PDE3A: variants seen among roughly 807,000 people sequenced by gnomAD.
The protein encoded by PDE3A is phosphodiesterase 3A.
In PDE3A, 43 loss-of-function variants were observed where a neutral mutation model predicts 98.3. The observed-to-expected ratio is 0.44, with a 90% CI of 0.34 to 0.56. The LOEUF is 0.56. PDE3A is among the 20% of genes least tolerant of loss of function. PDE3A has a pLI of 0.01. For missense variants in PDE3A, 1,427 were observed against 1,440.7 expected (o/e 0.99, Z 0.15); for synonymous variants, 663 against 567.9 (o/e 1.17, Z -2.38).
chr12:20,603,318 A>T (rs907733452), intron 2 of PDE3A, among the ~76,000 whole-genome samples: 4 of 152,188 alleles, frequency 2.6e-5, no homozygotes, highest in Admixed American at 6.5e-5. Context: ...AAATACTTCC[A>T]ACAATGGAGC....
chr12:20,648,907 C>T lies in PDE3A; in HGVS notation c.2769+16C>T, dbSNP rs145046540. On this transcript the variant is annotated intron_variant, in intron 13 of 15. Coordinates refer to ENST00000359062, the MANE Select transcript of PDE3A (RefSeq NM_000921.5). ...TAATGGCAAGGTAAATAGAGCTGTA[C>T]CCAGTTTTCTTTTCTTTTTCTTTTT... 6.5e-4 allele frequency: 946 copies of T among 1,454,768 alleles called. 6 individuals are homozygous for T. Among genetic ancestry groups the T allele is most frequent in the Middle Eastern group, 6.4e-3 (32 of 4,998 alleles). 90.1% of individuals were successfully genotyped at this position (1,454,768 alleles called of 1,614,324 possible). A position where few individuals can be genotyped will look rare whatever the true frequency, so the allele number is the denominator to read the frequency against.
chr12:20,640,537 G>T (rs775571242), intron 10 of PDE3A, among the ~76,000 whole-genome samples: 1 of 151,964 alleles, frequency 6.6e-6, no homozygotes, highest in Non-Finnish European at 1.5e-5. Context: ...ATGGAAAAAT[G>T]ATAAGAAACA....
chr12:20,536,745 T>C (rs551864622), intron 1 of PDE3A, among the ~76,000 whole-genome samples: 2 of 152,260 alleles, frequency 1.3e-5, no homozygotes, highest in African/African-American at 4.8e-5. Flanking sequence ...TGCCAAATAA[T>C]ATTCCATTGT....
intron 2 of PDE3A, among the ~76,000 whole-genome samples, chr12:20,608,252 C>A (rs967082463): frequency 6.6e-6 from 1 of 152,112 alleles, no homozygotes; most frequent in South Asian, 2.1e-4. Context: ...CTCATTGAAG[C>A]CTTTAGTTAT....
chr12:20,403,005 T>G (rs546350180), intron 1 of PDE3A, among the ~76,000 whole-genome samples: 2 of 152,276 alleles, frequency 1.3e-5, no homozygotes, highest in African/African-American at 4.8e-5. Context: ...AATATATAAC[T>G]CCTACTCATT....
At chr12:20,518,822 A>G (rs1025168094) in intron 1 of PDE3A, among the ~76,000 whole-genome samples, 2 of 152,308 alleles carry the variant, frequency 1.3e-5, no homozygotes, top group Non-Finnish European at 2.9e-5. Context: ...CTTAGATAGG[A>G]CTTTCTGTAC....
At chr12:20,467,744 G>A (rs1945363534) in intron 1 of PDE3A, among the ~76,000 whole-genome samples, 1 of 151,638 alleles carries the variant, frequency 6.6e-6, no homozygotes, top group African/African-American at 2.4e-5. Context: ...AGACCATCCT[G>A]GCTAACATGG....
At chr12:20,430,775 T>G (rs988330165) in intron 1 of PDE3A, among the ~76,000 whole-genome samples, 1 of 152,184 alleles carries the variant, frequency 6.6e-6, no homozygotes, top group Admixed American at 6.5e-5. Context: ...CCACTTTTAG[T>G]GTATATAAAC....
intron 1 of PDE3A, among the ~76,000 whole-genome samples, chr12:20,519,913 G>A (rs182103224): frequency 6.6e-6 from 1 of 152,212 alleles, no homozygotes; most frequent in Admixed American, 6.5e-5. Flanking sequence ...CTTTGCTAAG[G>A]GACATCATCT....
intron 1 of PDE3A, among the ~76,000 whole-genome samples, chr12:20,491,140 A>G (rs187806301): frequency 4.9e-4 from 75 of 152,320 alleles, no homozygotes; most frequent in Admixed American, 6.5e-4. Flanking sequence ...GAAGATCAAT[A>G]TGTTACCAAC....
intron 1 of PDE3A, among the ~76,000 whole-genome samples, chr12:20,371,790 T>C (rs1227614809): frequency 2.6e-5 from 4 of 152,084 alleles, no homozygotes; most frequent in African/African-American, 9.7e-5. Context: ...TAAAATGGAG[T>C]AAGTTATCTA....
intron 1 of PDE3A, among the ~76,000 whole-genome samples, chr12:20,404,286 A>T (rs1944188940): frequency 6.6e-6 from 1 of 151,936 alleles, no homozygotes; most frequent in Non-Finnish European, 1.5e-5. Context: ...ATATATTATT[A>T]TTTTTTCCTC....
chr12:20,492,818 CAGAATCCAGG>C (rs1370468524), intron 1 of PDE3A, among the ~76,000 whole-genome samples: 1 of 152,012 alleles, frequency 6.6e-6, no homozygotes, highest in African/African-American at 2.4e-5. Flanking sequence ...CCATGGACTC[CAGAATCCAGG>C]TGTTGTAATT....
intron 1 of PDE3A, among the ~76,000 whole-genome samples, chr12:20,460,784 G>A (rs1565556441): frequency 6.6e-6 from 1 of 152,194 alleles, no homozygotes; most frequent in East Asian, 1.9e-4. Context: ...GTGGAACTTG[G>A]CGATCTCAGA....
At chr12:20,479,608 T>C (rs1414240648) in intron 1 of PDE3A, among the ~76,000 whole-genome samples, 3 of 152,214 alleles carry the variant, frequency 2.0e-5, no homozygotes, top group African/African-American at 7.2e-5. Context: ...GTTCATCCTA[T>C]ATTTAATCTT....
intron 1 of PDE3A, among the ~76,000 whole-genome samples, chr12:20,521,387 A>C (rs958904988): frequency 6.6e-6 from 1 of 152,146 alleles, no homozygotes; most frequent in Non-Finnish European, 1.5e-5. Context: ...AGTGTAATCA[A>C]GCATTTTAGC....
chr12:20,488,795 T>A (rs540184381), intron 1 of PDE3A, among the ~76,000 whole-genome samples: 112 of 151,718 alleles, frequency 7.4e-4, no homozygotes, highest in Middle Eastern at 3.4e-3. Flanking sequence ...ATAGAGGGAT[T>A]GCTTGAGCCT....
At position 20,687,435 on chromosome 12, in the gene PDE3A, A is replaced by G. The variant is rs1946000014; in HGVS notation, c.*7164A>G. Among the ~76,000 whole-genome samples the G allele has an allele frequency of 6.6e-6, 1 of 152,072 alleles. No homozygotes were observed. The highest frequency in any genetic ancestry group is 2.1e-4 in the South Asian group (1 of 4,834). ...TATTTGTTCATCAGCTTAAAAAATC[A>G]CTAAATTTTTTATACTCTGTAAAAT... is the stretch of plus-strand genomic sequence containing the variant. On this transcript the variant is annotated 3_prime_UTR_variant, in exon 16 of 16. Coordinates refer to ENST00000359062, the MANE Select transcript of PDE3A (RefSeq NM_000921.5).
intron 1 of PDE3A, among the ~76,000 whole-genome samples, chr12:20,385,558 G>A (rs1009633721): frequency 4.6e-5 from 7 of 151,906 alleles, no homozygotes; most frequent in African/African-American, 1.7e-4. Context: ...AACAATGATA[G>A]ACTGGATTAA....
Sources: gnomAD v4.1 joint callset for allele counts (sites outside exome capture counted in the v4.1 genomes callset) on GRCh38, gnomAD v4.1.1 for gene constraint, MANE v1.5 for transcripts, NCBI Gene and HGNC (gene_info 2026-07-23, HGNC 2026-07-21) for gene names.